Variants in PDE12 observed in about 807,000 individuals in gnomAD.
PDE12 encodes 2',5'-phosphodiesterase 12.
Under a neutral mutation model 45.4 loss-of-function variants are expected in PDE12, and 26 were observed. The observed-to-expected ratio is 0.57, with a 90% CI of 0.42 to 0.79. The LOEUF is 0.79. Ranked by LOEUF, PDE12 falls within the 30% of genes least tolerant of loss-of-function variation. PDE12 has a pLI of 0.00. For missense variants in PDE12, 668 were observed against 790.0 expected (o/e 0.85, Z 1.85); for synonymous variants, 283 against 323.9 (o/e 0.87, Z 1.36).
the PDE12 span, among the ~76,000 whole-genome samples, chr3:57,641,198 T>A: frequency 6.9e-6 from 1 of 144,794 alleles, no homozygotes; most frequent in African/African-American, 2.5e-5. Context: ...TTATATATAT[T>A]TAAATATTTA....
the PDE12 span, chr3:57,634,751 A>G: frequency 6.4e-7 from 1 of 1,570,272 alleles, no homozygotes; most frequent in Non-Finnish European, 8.6e-7. Context: ...TTTCACTTTA[A>G]CCTGCTTAGG....
chr3:57,646,388 A>G, the PDE12 span: 1 of 1,614,158 alleles, frequency 6.2e-7, no homozygotes, highest in South Asian at 1.1e-5. Context: ...CTCCCCCAAC[A>G]GCACCAGCTC....
At chr3:57,640,622 C>T in the PDE12 span, among the ~76,000 whole-genome samples, 1 of 152,052 alleles carries the variant, frequency 6.6e-6, no homozygotes, top group South Asian at 2.1e-4. Context: ...TAGAAAATAA[C>T]TTTATAATCC....
the PDE12 span, among the ~76,000 whole-genome samples, chr3:57,634,109 TCTC>T: frequency 2.6e-5 from 4 of 151,962 alleles, no homozygotes; most frequent in Non-Finnish European, 5.9e-5. Flanking sequence ...GCTAACTTAG[TCTC>T]CTGATTTTCA....
At chr3:57,605,712 G>C in the PDE12 span, among the ~76,000 whole-genome samples, 1 of 152,040 alleles carries the variant, frequency 6.6e-6, no homozygotes, top group African/African-American at 2.4e-5. Flanking sequence ...CAAAGAGGAA[G>C]GAATACATGA....
chr3:57,573,201 C>A, the PDE12 span, among the ~76,000 whole-genome samples: 188 of 125,592 alleles, frequency 1.5e-3, no homozygotes, highest in African/African-American at 2.2e-3. Flanking sequence ...GACTCCATCT[C>A]AAAAAAAAAA....
the PDE12 span, among the ~76,000 whole-genome samples, chr3:57,610,134 C>T: frequency 2.6e-5 from 4 of 152,014 alleles, no homozygotes; most frequent in East Asian, 7.7e-4. Flanking sequence ...AGAGAAAAAC[C>T]ACATGATTAT....
chr3:57,614,907 C>T, the PDE12 span, among the ~76,000 whole-genome samples: 4 of 151,212 alleles, frequency 2.6e-5, no homozygotes, highest in South Asian at 6.3e-4. Context: ...GCAGGAGAAT[C>T]GCTTGAATCC....
the PDE12 span, among the ~76,000 whole-genome samples, chr3:57,585,265 G>C: frequency 7.2e-5 from 11 of 152,218 alleles, no homozygotes; most frequent in Non-Finnish European, 1.3e-4. Flanking sequence ...CTTATTTACA[G>C]AGTAAAATTT....
the PDE12 span, chr3:57,597,315 A>G: frequency 2.9e-5 from 17 of 595,134 alleles, no homozygotes; most frequent in Non-Finnish European, 4.4e-5. Flanking sequence ...CGGCACAGGA[A>G]TAAGCCGGTA....
At chr3:57,600,815 G>A in the PDE12 span, 1 of 152,150 alleles carries the variant, frequency 6.6e-6, no homozygotes, top group African/African-American at 2.4e-5. Context: ...CTTGAGCCCA[G>A]AAGTTCCAGA....
chr3:57,634,699 A>C, the PDE12 span: 2 of 1,540,068 alleles, frequency 1.3e-6, no homozygotes, highest in African/African-American at 2.8e-5. Flanking sequence ...AATAAAAGTC[A>C]ATACCAGGTT....
Position 57,561,660 on chromosome 3 carries a change from C to A in PDE12, c.*1656C>A, listed in dbSNP as rs145587463. On this transcript the variant is annotated 3_prime_UTR_variant, in exon 3 of 3. Transcript: ENST00000311180. ...AATTAATAGCTCGAGTATTAAAAGCCCACTCCCTTCAAGAAAAGCTTTGAT... is the reference window on the plus strand; with the variant it reads ...AATTAATAGCTCGAGTATTAAAAGCACACTCCCTTCAAGAAAAGCTTTGAT... 3 of 984,636 alleles carry A rather than the reference C, an allele frequency of 3.0e-6. No homozygotes were observed. Among genetic ancestry groups the A allele is most frequent in the African/African-American group, 3.5e-5 (2 of 57,144 alleles). The allele number at this position is 984,636 out of a possible 1,614,324, so 61.0% of individuals were successfully genotyped here.
downstream of PDE12, among the ~76,000 whole-genome samples, chr3:57,567,586 A>G (rs2069797648): frequency 6.6e-6 from 1 of 152,244 alleles, no homozygotes; most frequent in African/African-American, 2.4e-5. Flanking sequence ...GTAACCTTCC[A>G]GTAGTGGCCC....
downstream of PDE12, among the ~76,000 whole-genome samples, chr3:57,570,852 T>A (rs1041177436): frequency 6.6e-6 from 1 of 152,160 alleles, no homozygotes; most frequent in Non-Finnish European, 1.5e-5. Context: ...GCACCTGAAT[T>A]TTTTTGTTTA....
the PDE12 span, among the ~76,000 whole-genome samples, chr3:57,599,663 A>G: frequency 6.6e-6 from 1 of 152,198 alleles, no homozygotes. Context: ...CAGTAAGAAT[A>G]CACTACACAT....
chr3:57,648,239 A>C, the PDE12 span, among the ~76,000 whole-genome samples: 50 of 152,278 alleles, frequency 3.3e-4, 1 homozygote, highest in Non-Finnish European at 3.1e-4. Context: ...GAATCAAATC[A>C]ACCCCTTTTA....
At chr3:57,615,272 A>G in the PDE12 span, among the ~76,000 whole-genome samples, 3 of 152,288 alleles carry the variant, frequency 2.0e-5, no homozygotes, top group South Asian at 2.1e-4. Context: ...GAGCTGAACA[A>G]TATGTACACA....
chr3:57,584,300 A>G, the PDE12 span: 1 of 1,233,792 alleles, frequency 8.1e-7, no homozygotes, highest in Non-Finnish European at 1.2e-6. Context: ...AACATGCTTA[A>G]CAAAAAGACA....
Sources: allele counts gnomAD v4.1 joint callset (sites outside exome capture counted in the v4.1 genomes callset), GRCh38; gene constraint gnomAD v4.1.1; transcripts MANE v1.5; gene names NCBI Gene and HGNC (gene_info 2026-07-23, HGNC 2026-07-21).